DSCAML1: variants seen among roughly 807,000 people sequenced by gnomAD.
DSCAML1 encodes the protein DS cell adhesion molecule like 1.
DSCAML1 carries 38 observed loss-of-function variants against 200.5 expected under a neutral mutation model. The ratio of observed to expected loss-of-function variants is 0.19; its 90% CI spans 0.15 to 0.25. The LOEUF is 0.25. Among genes scored for constraint, DSCAML1 ranks in the 10% least tolerant of loss-of-function variants. The pLI, the probability that DSCAML1 is intolerant of heterozygous loss-of-function variation, is 1.00. For synonymous variants in DSCAML1, 1,215 were observed against 1,165.0 expected (o/e 1.04, Z -0.87); for missense variants, 2,223 against 2,858.8 (o/e 0.78, Z 5.07).
At chr11:117,439,774 T>G in intron 22 of DSCAML1, 45 bp downstream of exon 22, 1 of 1,558,754 alleles carries the variant, frequency 6.4e-7, no homozygotes. Flanking sequence ...TTCTACTATA[T>G]CCCTCTTTGG....
intron 5 of DSCAML1, among the ~76,000 whole-genome samples, chr11:117,524,125 C>G: frequency 6.6e-6 from 1 of 152,250 alleles, no homozygotes; most frequent in East Asian, 1.9e-4. Context: ...TGCTTCTACC[C>G]TCTCTGCCTG....
chr11:117,435,481 TC>T (rs2047895311), intron 27 of DSCAML1, among the ~76,000 whole-genome samples, 162 bp downstream of exon 27: 1 of 152,222 alleles, frequency 6.6e-6, no homozygotes, highest in Non-Finnish European at 1.5e-5. Flanking sequence ...AACGAAACCT[TC>T]TGAACTAAGG....
intron 3 of DSCAML1, among the ~76,000 whole-genome samples, chr11:117,548,725 A>C (rs1216720394): frequency 6.6e-6 from 1 of 152,078 alleles, no homozygotes; most frequent in Non-Finnish European, 1.5e-5. Context: ...TTGGAGATGG[A>C]GCATTGGATG....
intron 3 of DSCAML1, among the ~76,000 whole-genome samples, chr11:117,767,378 C>T (rs972770628): frequency 2.0e-5 from 3 of 152,156 alleles, no homozygotes; most frequent in South Asian, 2.1e-4. Flanking sequence ...TTATCACGGA[C>T]GAGCTCAATA....
intron 3 of DSCAML1, among the ~76,000 whole-genome samples, chr11:117,657,908 A>T (rs1468757409): frequency 6.6e-6 from 1 of 152,132 alleles, no homozygotes; most frequent in Non-Finnish European, 1.5e-5. Context: ...TGGAATGTCA[A>T]GGAGGGATTG....
intron 1 of DSCAML1, among the ~76,000 whole-genome samples, chr11:117,806,732 C>T (rs1326974142): frequency 2.0e-5 from 3 of 152,174 alleles, no homozygotes; most frequent in Admixed American, 1.3e-4. Context: ...ACTCATCATT[C>T]TATGTATTGA....
At position 117,435,848 on chromosome 11, in the gene DSCAML1, C is replaced by T. The variant is rs765639431; in HGVS notation, c.4721-49G>A. On this transcript the variant is annotated intron_variant, in intron 26 of 32. Transcript: ENST00000651296. ...TTAGATGTCCCTTATGAGCCAGGTG[C>T]TGTGCAGAACATCTCATGGGTGGGG... 1.5e-5 allele frequency: 24 copies of T among 1,560,622 alleles called. No homozygotes were observed. The South Asian group carries it at 2.8e-4, about 18-fold the overall frequency.
intron 27 of DSCAML1, among the ~76,000 whole-genome samples, chr11:117,434,091 C>T (rs898900400): frequency 6.6e-6 from 1 of 152,186 alleles, no homozygotes; most frequent in Non-Finnish European, 1.5e-5. Flanking sequence ...ACCCCTGATA[C>T]CTGAGAATGA....
intron 3 of DSCAML1, among the ~76,000 whole-genome samples, chr11:117,537,508 C>T (rs2050192053): frequency 6.6e-6 from 1 of 152,142 alleles, no homozygotes; most frequent in Non-Finnish European, 1.5e-5. Context: ...GGTTGGAGTC[C>T]AGGCTCTGCC....
chr11:117,805,227 CACTT>C (rs1304063067), intron 1 of DSCAML1, among the ~76,000 whole-genome samples: 2 of 152,170 alleles, frequency 1.3e-5, no homozygotes, highest in African/African-American at 4.8e-5. Flanking sequence ...GGTCAAATGG[CACTT>C]ACTTACACAA....
At chr11:117,806,344 G>A (rs2055707235) in intron 1 of DSCAML1, among the ~76,000 whole-genome samples, 1 of 152,156 alleles carries the variant, frequency 6.6e-6, no homozygotes, top group Non-Finnish European at 1.5e-5. Flanking sequence ...CTGACTCTAT[G>A]GTGTGTCTAC....
chr11:117,797,313 T>A (rs2055603465), upstream of DSCAML1: 1 of 1,300,238 alleles, frequency 7.7e-7, no homozygotes, highest in Non-Finnish European at 9.7e-7. Context: ...GCACCCCGGG[T>A]GGTGAGCGCC....
chr11:117,495,381 T>A (rs1460724049), intron 11 of DSCAML1, among the ~76,000 whole-genome samples: 1 of 152,060 alleles, frequency 6.6e-6, no homozygotes, highest in African/African-American at 2.4e-5. Context: ...GAGAAGATGC[T>A]CTTTAGAACT....
In DSCAML1 at chr11:117,796,372, C is replaced by G. The variant is rs553924259; in HGVS notation, c.46+662G>C. Among the ~76,000 whole-genome samples the G allele has an allele frequency of 2.0e-3, 302 of 152,322 alleles. 1 individual carries two copies. Among genetic ancestry groups the G allele is most frequent in the African/African-American group, 6.8e-3 (281 of 41,576 alleles). ...GCCCGAGGTGGCCACGGTGGCGCAC[C>G]AAGCCGGGGCTAAAGCCGGGGCAGA... is the stretch of plus-strand genomic sequence containing the variant. On this transcript the variant is annotated intron_variant, in intron 1 of 32. Transcript: ENST00000651296.
intron 8 of DSCAML1, among the ~76,000 whole-genome samples, chr11:117,508,843 A>G (rs1338461498): frequency 6.6e-6 from 1 of 152,146 alleles, no homozygotes; most frequent in Non-Finnish European, 1.5e-5. Context: ...CCATGTTTCC[A>G]TTGAGGCCAG....
At position 117,518,602 on chromosome 11, in the gene DSCAML1, C is replaced by T; in HGVS notation, c.1374G>A (p.Gln458=). 1.2e-6 allele frequency: 2 copies of T among 1,613,892 alleles called. No homozygotes were observed. Among genetic ancestry groups the T allele is most frequent in the Non-Finnish European group, 8.5e-7 (1 of 1,179,962 alleles). The change falls in exon 7 of 33, where the codon CAG becomes CAA. Residue 458 remains glutamine (Q), a synonymous_variant. Transcript: ENST00000651296. The surrounding 1 kb of genome is among the most constrained non-coding windows in gnomAD (Gnocchi z 6.3). ...TGGTGGTGCCGTCCGACATGGTGTA[C>T]TGGTTGGTGCGGTGGCTGCCATCCC... ...IVRDGSHRTN[Q]YTMSDGTTIS...
At chr11:117,439,612 C>T (rs973574506) in intron 22 of DSCAML1, among the ~76,000 whole-genome samples, 183 bp from the exon 23 acceptor site, 1 of 152,076 alleles carries the variant, frequency 6.6e-6, no homozygotes, top group African/African-American at 2.4e-5. Context: ...TTTAACCATC[C>T]GGGGAAGGGA....
chr11:117,492,833 G>A (rs937205839), intron 11 of DSCAML1, among the ~76,000 whole-genome samples: 4 of 152,188 alleles, frequency 2.6e-5, no homozygotes, highest in African/African-American at 9.6e-5. Context: ...TCTGGTGCCT[G>A]TTTTGTTTTT....
chr11:117,568,066 A>G (rs1461771474), intron 3 of DSCAML1, among the ~76,000 whole-genome samples: 1 of 152,230 alleles, frequency 6.6e-6, no homozygotes, highest in Admixed American at 6.5e-5. Flanking sequence ...AGGCTGGTTC[A>G]ATATACACAA....
Sources: allele counts gnomAD v4.1 joint callset (sites outside exome capture counted in the v4.1 genomes callset), GRCh38; gene constraint gnomAD v4.1.1; non-coding constraint Gnocchi (gnomAD v3.1); transcripts MANE v1.5; gene names NCBI Gene and HGNC (gene_info 2026-07-23, HGNC 2026-07-21).